PRDM16: variants seen among roughly 807,000 people sequenced by gnomAD.
PRDM16 encodes histone-lysine N-methyltransferase PRDM16.
PRDM16 carries 23 observed loss-of-function variants against 110.6 expected under a neutral mutation model. The observed-to-expected ratio is 0.21, with a 90% confidence interval of 0.15 to 0.29. PRDM16 has a LOEUF of 0.29. Among genes scored for constraint, PRDM16 ranks in the 10% least tolerant of loss-of-function variants. The pLI, the probability that PRDM16 is intolerant of heterozygous loss-of-function variation, is 1.00. For missense variants in PRDM16, 1,615 were observed against 1,794.3 expected (o/e 0.90, Z 1.81); for synonymous variants, 799 against 781.8 (o/e 1.02, Z -0.37).
intron 8 of PRDM16, among the ~76,000 whole-genome samples, chr1:3,410,776 T>G (rs1330565806): frequency 6.6e-6 from 1 of 152,164 alleles, no homozygotes; most frequent in Non-Finnish European, 1.5e-5. Flanking sequence ...GGGCGGGCCC[T>G]GAGCCAGCTT....
intron 3 of PRDM16, among the ~76,000 whole-genome samples, chr1:3,325,922 CCTCGGCCCT>C (rs1285049722): frequency 9.7e-6 from 1 of 102,886 alleles, no homozygotes; most frequent in Non-Finnish European, 2.0e-5. Context: ...CCTTGGCCCT[CCTCGGCCCT>C]CTTGGCCCTC....
chr1:3,119,535 C>G (rs1044932228), intron 1 of PRDM16, among the ~76,000 whole-genome samples: 2 of 152,140 alleles, frequency 1.3e-5, no homozygotes, highest in Non-Finnish European at 2.9e-5. Context: ...GACTTGGGTG[C>G]TGTCCCGTGC....
intron 3 of PRDM16, among the ~76,000 whole-genome samples, chr1:3,262,672 C>T (rs1166890484): frequency 1.4e-4 from 21 of 152,168 alleles, no homozygotes; most frequent in Admixed American, 1.4e-3. Context: ...GAGAAAAATC[C>T]CACAGGACAC....
rs1642013322 is a variant in PRDM16, at chr1:3,081,024, A to G, written c.37+11728A>G. Among the ~76,000 whole-genome samples the G allele has an allele frequency of 6.6e-6, 1 of 151,978 alleles. No homozygotes were observed. The highest frequency in any genetic ancestry group is 1.5e-5 in the Non-Finnish European group (1 of 67,990). On this transcript the variant is annotated intron_variant, in intron 1 of 16. Coordinates refer to ENST00000270722, the MANE Select transcript of PRDM16 (RefSeq NM_022114.4). The surrounding 1 kb of genome is among the most constrained non-coding windows in gnomAD (Gnocchi z 4.6). ...AAAGGCCTAAAAAAAAGCAGAGAGT[A>G]AGGGAGCTCAGAGAATCGGGGGGCA...
At chr1:3,419,155 C>T (rs998348646) in intron 12 of PRDM16, among the ~76,000 whole-genome samples, 3 of 152,242 alleles carry the variant, frequency 2.0e-5, no homozygotes, top group African/African-American at 7.2e-5. Context: ...TAGCTGCCCC[C>T]ACACCCCCAC....
intron 3 of PRDM16, among the ~76,000 whole-genome samples, chr1:3,367,905 T>C (rs1417776822): frequency 6.6e-6 from 1 of 152,188 alleles, no homozygotes; most frequent in East Asian, 1.9e-4. Context: ...CTTTGTACTT[T>C]AAAAAATCAT....
At position 3,181,089 on chromosome 1, in the gene PRDM16, C is replaced by A. The variant is rs535099656; in HGVS notation, c.38-5036C>A. Among the ~76,000 whole-genome samples, 4 of 143,326 alleles carry A rather than the reference C, an allele frequency of 2.8e-5. No homozygotes were observed. In the South Asian group the frequency reaches 8.7e-4, roughly 31 times the overall value. 94.0% of individuals were successfully genotyped at this position (143,326 alleles called of 152,430 possible). On this transcript the variant is annotated intron_variant, in intron 1 of 16. Transcript: ENST00000270722. ...TTACACACCCGGTCTTACACACGGC[C>A]TTACACACGCAGTCTTACACGCGGC...
At chr1:3,264,593 C>T (rs1251643424) in intron 3 of PRDM16, among the ~76,000 whole-genome samples, 5 of 82,316 alleles carry the variant, frequency 6.1e-5, no homozygotes, top group East Asian at 3.6e-4. Context: ...CCAGGAGGAG[C>T]GGAAAGGGGA....
At position 3,404,725 on chromosome 1, in the gene PRDM16, C is replaced by G. The variant is rs753875526; in HGVS notation, c.885-14C>G. 2.5e-6 allele frequency: 4 copies of G among 1,612,714 alleles called. No individual in the cohort carries two copies. The highest frequency in any genetic ancestry group is 1.6e-4 in the Middle Eastern group (1 of 6,082). ...GGTAGTCGGGCCCCGCAGTGAGCCT[C>G]GTCCTCTGCGCAGCCTGGAGCAGCA... On this transcript the variant is annotated splice_polypyrimidine_tract_variant and intron_variant, in intron 6 of 16. Transcript: ENST00000270722.
chr1:3,279,639 T>C (rs751231060), intron 3 of PRDM16, among the ~76,000 whole-genome samples: 2 of 152,148 alleles, frequency 1.3e-5, no homozygotes, highest in Non-Finnish European at 2.9e-5. Context: ...TGCCACAGGC[T>C]GAGGACGGGC....
At chr1:3,303,806 G>A (rs1226875498) in intron 3 of PRDM16, among the ~76,000 whole-genome samples, 1 of 147,222 alleles carries the variant, frequency 6.8e-6, no homozygotes, top group African/African-American at 2.6e-5. Context: ...GTGCTGGGGA[G>A]CGCAGGAGGC....
chr1:3,181,440 A>G (rs369359728), intron 1 of PRDM16, among the ~76,000 whole-genome samples: 2 of 25,372 alleles, frequency 7.9e-5, no homozygotes, highest in Admixed American at 1.2e-3. Flanking sequence ...TTACACAAGC[A>G]GTCTTACACG....
At chr1:3,428,251 C>T (rs1638669562) in intron 14 of PRDM16, among the ~76,000 whole-genome samples, 2 of 151,358 alleles carry the variant, frequency 1.3e-5, no homozygotes, top group South Asian at 4.2e-4. Flanking sequence ...GGACCCCGAG[C>T]TAGGGTGCAG....
At chr1:3,076,077 G>A (rs1023228388) in intron 1 of PRDM16, among the ~76,000 whole-genome samples, 1 of 152,176 alleles carries the variant, frequency 6.6e-6, no homozygotes, top group African/African-American at 2.4e-5. Flanking sequence ...TTGGCAAAGC[G>A]GCTTTCTGAG....
intron 2 of PRDM16, among the ~76,000 whole-genome samples, chr1:3,203,258 C>T (rs867680359): frequency 2.0e-4 from 30 of 151,604 alleles, no homozygotes; most frequent in Non-Finnish European, 1.5e-4. Context: ...TTGCGTCCCA[C>T]GCCACAGGTG....
At chr1:3,328,319 G>C (rs935252550) in intron 3 of PRDM16, among the ~76,000 whole-genome samples, 1 of 152,234 alleles carries the variant, frequency 6.6e-6, no homozygotes, top group Non-Finnish European at 1.5e-5. Flanking sequence ...GCAGTGGGGG[G>C]TGCTCACAAC....
At chr1:3,278,797 C>T (rs1287778243) in intron 3 of PRDM16, among the ~76,000 whole-genome samples, 1 of 152,222 alleles carries the variant, frequency 6.6e-6, no homozygotes, top group Non-Finnish European at 1.5e-5. Context: ...ACCTCTGCTG[C>T]TCTGACCACA....
chr1:3,375,809 A>G (rs1264353204), intron 3 of PRDM16, among the ~76,000 whole-genome samples: 4 of 152,210 alleles, frequency 2.6e-5, no homozygotes, highest in Non-Finnish European at 4.4e-5. Context: ...GTTTTCTTCA[A>G]TGTTCATAGA....
intron 3 of PRDM16, among the ~76,000 whole-genome samples, chr1:3,289,234 G>A (rs1303689214): frequency 6.6e-6 from 1 of 152,196 alleles, no homozygotes; most frequent in Non-Finnish European, 1.5e-5. Flanking sequence ...GGAGGACCAG[G>A]GCTGCTGAGA....
Sources: gnomAD v4.1 joint callset for allele counts (sites outside exome capture counted in the v4.1 genomes callset) on GRCh38, gnomAD v4.1.1 for gene constraint, Gnocchi (gnomAD v3.1) non-coding constraint, MANE v1.5 for transcripts, NCBI Gene and HGNC (gene_info 2026-07-23, HGNC 2026-07-21) for gene names.